Variants in SARDH observed in about 807,000 individuals in gnomAD.
SARDH encodes sarcosine dehydrogenase.
Under a neutral mutation model 109.1 loss-of-function variants are expected in SARDH, and 95 were observed. That is an observed-to-expected ratio of 0.87 (90% confidence interval 0.74 to 1.03). The LOEUF is 1.03. SARDH is among the 50% of genes least tolerant of loss of function. SARDH has a pLI of 0.00. For missense variants in SARDH, 1,267 were observed against 1,287.8 expected (o/e 0.98, Z 0.25); for synonymous variants, 572 against 534.8 (o/e 1.07, Z -0.96).
intron 8 of SARDH, among the ~76,000 whole-genome samples, chr9:133,715,899 C>T (rs572347812): frequency 6.6e-6 from 1 of 152,366 alleles, no homozygotes; most frequent in Non-Finnish European, 1.5e-5. Flanking sequence ...CAGAGGGACT[C>T]ACCAGGCTTC....
chr9:133,734,737 G>A (rs1296474936), intron 1 of SARDH, among the ~76,000 whole-genome samples: 1 of 152,208 alleles, frequency 6.6e-6, no homozygotes, highest in African/African-American at 2.4e-5. Flanking sequence ...ACTGAGGACA[G>A]AGGACCAATA....
chr9:133,735,993 T>C (rs1335109197), intron 1 of SARDH, among the ~76,000 whole-genome samples: 2 of 151,570 alleles, frequency 1.3e-5, no homozygotes, highest in African/African-American at 4.9e-5. Flanking sequence ...TAAGCCGAGA[T>C]TGTGCCATTG....
intron 13 of SARDH, among the ~76,000 whole-genome samples, chr9:133,700,768 C>T (rs1831455628): frequency 6.6e-6 from 1 of 152,162 alleles, no homozygotes; most frequent in Non-Finnish European, 1.5e-5. Flanking sequence ...CAACATCACT[C>T]CCTATTTCCT....
Position 133,733,913 on chromosome 9 carries a change from C to A in SARDH, c.261G>T (p.Lys87Asn). ...LGCQTLYHLA[K>N]LGMSGAVLLE... ...GCAGCACCGCCCCACTCATGCCCAGCTTGGCCAGGTGGTACAGGGTCTGGC... is the reference window on the plus strand; with the variant it reads ...GCAGCACCGCCCCACTCATGCCCAGATTGGCCAGGTGGTACAGGGTCTGGC... Residue 87 changes from lysine (K) to asparagine (N), a missense_variant, in exon 2 of 21, where the codon AAG becomes AAT. By Grantham distance (94) the Lys-to-Asn change is moderately conservative (BLOSUM62 0). Transcript: ENST00000439388. 1 of 1,559,278 alleles carries A rather than the reference C, an allele frequency of 6.4e-7. No homozygotes were observed. The highest frequency in any genetic ancestry group is 1.9e-5 in the Admixed American group (1 of 54,052).
At chr9:133,731,783 G>A (rs1832691329) in intron 3 of SARDH, among the ~76,000 whole-genome samples, 1 of 152,232 alleles carries the variant, frequency 6.6e-6, no homozygotes, top group Non-Finnish European at 1.5e-5. Flanking sequence ...GGTGAGAATA[G>A]TGTATGTCAT....
At chr9:133,665,367 G>C (rs1564223315) in intron 20 of SARDH, among the ~76,000 whole-genome samples, 2 of 152,196 alleles carry the variant, frequency 1.3e-5, no homozygotes, top group African/African-American at 4.8e-5. Context: ...CTGGGCCCCA[G>C]GGCTGTGGCC....
Position 133,664,147 on chromosome 9 carries a change from C to T in SARDH, c.2632-133G>A. The T allele has an allele frequency of 8.3e-6, 10 of 1,210,046 alleles. No individual in the cohort carries two copies. In the South Asian group the frequency reaches 1.4e-4, roughly 17 times the overall value. The allele number at this position is 1,210,046 out of a possible 1,614,324, so 75.0% of individuals were successfully genotyped here. A position where few individuals can be genotyped will look rare whatever the true frequency, so the allele number is the denominator to read the frequency against. On this transcript the variant is annotated intron_variant, in intron 20 of 20. Coordinates refer to ENST00000439388, the MANE Select transcript of SARDH (RefSeq NM_001134707.2). ...GGCAAACTCATCCCTGTGCCAGGGA[C>T]TCCTTTCTGAACCCAGGCATTGCCC...
At chr9:133,716,246 C>T (rs547972921) in intron 8 of SARDH, among the ~76,000 whole-genome samples, 1 of 152,352 alleles carries the variant, frequency 6.6e-6, no homozygotes, top group East Asian at 1.9e-4. Flanking sequence ...TGCATTGGGT[C>T]TCCCCTGCCA....
At chr9:133,715,102 C>A (rs1832070400) in intron 8 of SARDH, among the ~76,000 whole-genome samples, 1 of 152,170 alleles carries the variant, frequency 6.6e-6, no homozygotes, top group African/African-American at 2.4e-5. Flanking sequence ...GAGAGCTCTG[C>A]CTGCCCTCCC....
chr9:133,732,523 A>T lies in SARDH; in HGVS notation c.410T>A (p.Leu137Gln). Reference sequence around the variant, plus strand: ...CGTGTGTAGTCCCGTCTCCTCCTCCAGCTCCCGGCTCACCACCCGCCGAGT... The same window carrying T: ...CGTGTGTAGTCCCGTCTCCTCCTCCTGCTCCCGGCTCACCACCCGCCGAGT... ...AHTRRVVSRE[L>Q]EEETGLHTGW... Residue 137 changes from leucine (L) to glutamine (Q), a missense_variant, in exon 3 of 21, where the codon CTG (leucine) becomes CAG (glutamine). Transcript: ENST00000439388. 1 of 1,613,616 alleles carries T rather than the reference A, an allele frequency of 6.2e-7. No individual in the cohort carries two copies. The highest frequency in any genetic ancestry group is 1.1e-5 in the South Asian group (1 of 91,054).
chr9:133,734,935 G>A (rs1321078001), intron 1 of SARDH, among the ~76,000 whole-genome samples: 2 of 152,230 alleles, frequency 1.3e-5, no homozygotes, highest in South Asian at 2.1e-4. Context: ...GTCCTGCGGG[G>A]TGGGGATGGG....
chr9:133,712,532 G>C lies in SARDH; in HGVS notation c.1328+87C>G, dbSNP rs1265933464. 2 of 1,218,626 alleles carry C rather than the reference G, an allele frequency of 1.6e-6. No homozygotes were observed. The highest frequency in any genetic ancestry group is 1.5e-5 in the African/African-American group (1 of 67,266). The allele number at this position is 1,218,626 out of a possible 1,614,324, so 75.5% of individuals were successfully genotyped here. ...GGAAGCCACCTGGATTTCAGGCAAG[G>C]CTCCTTTCTCAGTAGCCCTCGCTGT... On this transcript the variant is annotated intron_variant, in intron 10 of 20. Transcript: ENST00000439388. This position sits in a 1 kb window ranked among gnomAD's most constrained non-coding sequence, Gnocchi z 4.1.
rs540572973 is a variant in SARDH, at chr9:133,704,504, C to T, written c.1554+444G>A. 4.6e-5 allele frequency among the ~76,000 whole-genome samples: 7 copies of T among 152,304 alleles called. No individual in the cohort carries two copies. In the South Asian group the frequency reaches 1.4e-3, roughly 32 times the overall value. On this transcript the variant is annotated intron_variant, in intron 12 of 20. Transcript: ENST00000439388. The surrounding 1 kb of genome is among the most constrained non-coding windows in gnomAD (Gnocchi z 4.5). ...GAAACCTCCACTGGGAAACTGAGCA[C>T]CCTGGGTGCATCAACCTGCCCAGTG...
At position 133,730,174 on chromosome 9, in the gene SARDH, CA is replaced by C; in HGVS notation, c.703del (p.Cys235AlafsTer3). 6.2e-7 allele frequency: 1 copy of C among 1,614,156 alleles called. No homozygotes were observed. Among genetic ancestry groups the C allele is most frequent in the Non-Finnish European group, 8.5e-7 (1 of 1,180,030 alleles). ...SARGAQVIEN[C>X]PVTGIRVWTD... ...CCACACACGAATGCCGGTCACTGGG[CA>C]GTTCTCAATGACCTGGAATTGAGAG... On this transcript the variant is annotated frameshift_variant, in exon 5 of 21. Coordinates refer to ENST00000439388, the MANE Select transcript of SARDH (RefSeq NM_001134707.2). LOFTEE classifies it high-confidence loss of function.
intron 14 of SARDH, among the ~76,000 whole-genome samples, chr9:133,695,258 T>C (rs1248680724): frequency 6.6e-6 from 1 of 151,956 alleles, no homozygotes; most frequent in Non-Finnish European, 1.5e-5. Context: ...GCCTGGCCAA[T>C]ATGGCGAAAC....
chr9:133,731,692 C>T (rs952532305), intron 3 of SARDH, among the ~76,000 whole-genome samples: 1 of 152,206 alleles, frequency 6.6e-6, no homozygotes, highest in Non-Finnish European at 1.5e-5. Flanking sequence ...CGGGGCCAGG[C>T]CGCCTGTGCC....
At chr9:133,730,473 A>ATTTT (rs758293555) in intron 4 of SARDH, among the ~76,000 whole-genome samples, 35,756 of 128,128 alleles carry the variant, frequency 0.28, 4,652 homozygotes, top group East Asian at 0.37. Flanking sequence ...TTTTTTTTAA[A>ATTTT]AAAAAAAAGC....
intron 17 of SARDH, 47 bp downstream of exon 17, chr9:133,685,146 C>G: frequency 6.4e-7 from 1 of 1,561,060 alleles, no homozygotes; most frequent in Non-Finnish European, 8.8e-7. Flanking sequence ...ACCCCTCACA[C>G]CATGCTGCCA....
intron 13 of SARDH, among the ~76,000 whole-genome samples, chr9:133,697,462 G>T (rs140283681): frequency 1.3e-5 from 2 of 152,184 alleles, no homozygotes; most frequent in South Asian, 2.1e-4. Flanking sequence ...AGCAGAAAAA[G>T]ATATTATAAG....
Sources: allele counts gnomAD v4.1 joint callset (sites outside exome capture counted in the v4.1 genomes callset), GRCh38; gene constraint gnomAD v4.1.1; non-coding constraint Gnocchi (gnomAD v3.1); transcripts MANE v1.5; gene names NCBI Gene and HGNC (gene_info 2026-07-23, HGNC 2026-07-21).